The following EFCAB13 variants were observed in gnomAD, a reference collection of about 807,000 sequenced individuals.
EFCAB13 encodes the protein EF-hand calcium-binding domain-containing protein 13.
A neutral mutation model predicts 110.2 loss-of-function variants in EFCAB13; 91 were observed. The ratio of observed to expected loss-of-function variants is 0.83; its 90% CI spans 0.70 to 0.98. The LOEUF (loss-of-function observed/expected upper bound fraction) is 0.98. Among genes scored for constraint, EFCAB13 ranks in the 50% least tolerant of loss-of-function variants. The pLI is 0.00. For synonymous variants in EFCAB13, 323 were observed against 369.9 expected (o/e 0.87, Z 1.45); for missense variants, 968 against 1,119.4 (o/e 0.86, Z 1.93).
At chr17:47,370,373 A>G in intron 10 of EFCAB13, 64 bp from the exon 11 acceptor site, 1 of 1,097,624 alleles carries the variant, frequency 9.1e-7, no homozygotes, top group Non-Finnish European at 1.4e-6. Flanking sequence ...TTCATATTAG[A>G]ATAGGATGGC....
At chr17:47,360,081 A>G (rs975639790) in intron 9 of EFCAB13, among the ~76,000 whole-genome samples, 1 of 152,098 alleles carries the variant, frequency 6.6e-6, no homozygotes, top group Non-Finnish European at 1.5e-5. Context: ...TGCCGCAATA[A>G]ACAAACATGT....
intron 11 of EFCAB13, 29 bp from the exon 12 acceptor site, chr17:47,374,443 T>C (rs2065602091): frequency 7.0e-7 from 1 of 1,418,876 alleles, no homozygotes; most frequent in South Asian, 1.6e-5. Context: ...TACAGGTAAA[T>C]GAAATAATTG....
chr17:47,409,541 T>C, intron 20 of EFCAB13, 106 bp from the exon 21 acceptor site: 2 of 843,198 alleles, frequency 2.4e-6, no homozygotes, highest in Non-Finnish European at 2.0e-6. Context: ...CAATGATAAA[T>C]GTTAGTGGGA....
Position 47,391,575 on chromosome 17 carries a change from C to T in EFCAB13, c.1721C>T (p.Ala574Val), listed in dbSNP as rs1048416205. ...EFKKITELTE[A>V]GETKKVNFKE... ...AAGAAGATCACAGAACTGACTGAAG[C>T]TGGTGGTGAGTGATATATTTTCAGG... The change falls in exon 15 of 25, where the codon GCT becomes GTT. Residue 574 changes from alanine to valine, a missense_variant. Transcript: ENST00000331493. 6.4e-7 allele frequency: 1 copy of T among 1,570,422 alleles called. No individual in the cohort carries two copies. The highest frequency in any genetic ancestry group is 8.6e-7 in the Non-Finnish European group (1 of 1,163,686).
intron 9 of EFCAB13, among the ~76,000 whole-genome samples, chr17:47,350,364 T>G (rs2065442599): frequency 6.6e-6 from 1 of 152,198 alleles, no homozygotes; most frequent in Non-Finnish European, 1.5e-5. Flanking sequence ...CTTAAAATAC[T>G]ATTTTCACCA....
At chr17:47,330,744 G>T (rs986410118) in intron 4 of EFCAB13, among the ~76,000 whole-genome samples, 3 of 151,806 alleles carry the variant, frequency 2.0e-5, no homozygotes, top group Admixed American at 6.6e-5. Context: ...ATTGTGAATT[G>T]TGCTGAGATA....
intron 4 of EFCAB13, among the ~76,000 whole-genome samples, chr17:47,333,779 C>G (rs1309942474): frequency 6.6e-6 from 1 of 152,074 alleles, no homozygotes; most frequent in African/African-American, 2.4e-5. Flanking sequence ...CTATCCTGTC[C>G]TATTGATTGG....
chr17:47,429,933 T>A lies in EFCAB13; in HGVS notation c.2610T>A (p.Thr870=). ...TTCATACAGCTAATGCTATACTTAC[T>A]GTAATGTTAAGACATGTACCTGAAC... ...KDLHTANAIL[T]VMLRHVPEHE... is the part of the protein sequence containing the mutation. The change falls in exon 24 of 25, where the codon ACT becomes ACA. Residue 870 remains threonine (T), a synonymous_variant. Coordinates refer to ENST00000331493, the MANE Select transcript of EFCAB13 (RefSeq NM_152347.5). 6.2e-7 allele frequency: 1 copy of A among 1,609,156 alleles called. No homozygotes were observed. The highest frequency in any genetic ancestry group is 1.1e-5 in the South Asian group (1 of 90,372).
At chr17:47,426,617 T>G (rs899409248) in intron 23 of EFCAB13, among the ~76,000 whole-genome samples, 1 of 152,196 alleles carries the variant, frequency 6.6e-6, no homozygotes, top group Non-Finnish European at 1.5e-5. Flanking sequence ...ATCTTTATAT[T>G]TAACTTATAA....
chr17:47,404,427 T>C, intron 19 of EFCAB13, 135 bp from the exon 20 acceptor site: 1 of 649,162 alleles, frequency 1.5e-6, no homozygotes. Context: ...GCTTAATGGA[T>C]GAAAATGAAT....
At chr17:47,386,834 T>C (rs536158744) in intron 14 of EFCAB13, among the ~76,000 whole-genome samples, 3 of 152,098 alleles carry the variant, frequency 2.0e-5, no homozygotes, top group Non-Finnish European at 4.4e-5. Flanking sequence ...CTGGCCCAGA[T>C]AGCACAGTCT....
intron 10 of EFCAB13, among the ~76,000 whole-genome samples, chr17:47,367,488 G>A (rs1216757006): frequency 2.0e-5 from 3 of 152,240 alleles, no homozygotes; most frequent in Non-Finnish European, 2.9e-5. Flanking sequence ...TGGAGGGGAC[G>A]TAGGACGCCG....
chr17:47,363,976 A>G (rs1448154375), intron 10 of EFCAB13, among the ~76,000 whole-genome samples: 1 of 152,204 alleles, frequency 6.6e-6, no homozygotes. Context: ...GGCATGCCCT[A>G]CCAGGAACAA....
intron 9 of EFCAB13, among the ~76,000 whole-genome samples, chr17:47,355,331 T>C (rs531051721): frequency 6.6e-6 from 1 of 152,342 alleles, no homozygotes; most frequent in South Asian, 2.1e-4. Context: ...ATCTTGACTT[T>C]AGATAACCTG....
Position 47,374,954 on chromosome 17 carries a change from A to C in EFCAB13, c.1360A>C (p.Ile454Leu). The C allele has an allele frequency of 6.4e-7, 1 of 1,573,418 alleles. No individual in the cohort carries two copies. Among genetic ancestry groups the C allele is most frequent in the Middle Eastern group, 1.7e-4 (1 of 5,838 alleles). Residue 454 changes from isoleucine to leucine, a missense_variant, in exon 12 of 25, where the codon ATT becomes CTT. Coordinates refer to ENST00000331493, the MANE Select transcript of EFCAB13 (RefSeq NM_152347.5). ...GGTTTCGTCTACGGAAAAAACTGCAATTAGTACTCTGGGTAAGTAAAAATC... is the reference window on the plus strand; with the variant it reads ...GGTTTCGTCTACGGAAAAAACTGCACTTAGTACTCTGGGTAAGTAAAAATC... ...KQVSSTEKTA[I>L]STLENFCEAI... is the part of the protein sequence containing the mutation.
At chr17:47,420,779 G>A (rs544207258) in intron 23 of EFCAB13, among the ~76,000 whole-genome samples, 82 of 152,024 alleles carry the variant, frequency 5.4e-4, no homozygotes, top group African/African-American at 1.2e-3. Context: ...AGTGAGGAGC[G>A]TCTCCGCCTG....
chr17:47,393,067 G>A (rs2065716540), intron 15 of EFCAB13, among the ~76,000 whole-genome samples: 1 of 152,000 alleles, frequency 6.6e-6, no homozygotes, highest in South Asian at 2.1e-4. Flanking sequence ...TTAGTAATTA[G>A]GGAAGTGCAA....
At chr17:47,330,781 G>A (rs1297005872) in intron 4 of EFCAB13, among the ~76,000 whole-genome samples, 1 of 150,420 alleles carries the variant, frequency 6.6e-6, no homozygotes, top group Non-Finnish European at 1.5e-5. Flanking sequence ...TTTTTTTTTT[G>A]ATACAACAAC....
intron 20 of EFCAB13, among the ~76,000 whole-genome samples, chr17:47,405,114 T>C (rs1352970111): frequency 6.6e-6 from 1 of 152,218 alleles, no homozygotes; most frequent in Non-Finnish European, 1.5e-5. Flanking sequence ...GATATAATTC[T>C]GTGTTCCACT....
Sources: allele counts gnomAD v4.1 joint callset (sites outside exome capture counted in the v4.1 genomes callset), GRCh38; gene constraint gnomAD v4.1.1; transcripts MANE v1.5; gene names NCBI Gene and HGNC (gene_info 2026-07-23, HGNC 2026-07-21).